The following TPH2 variants were observed in gnomAD, a reference collection of about 807,000 sequenced individuals.
TPH2 encodes tryptophan 5-hydroxylase 2.
TPH2 carries 27 observed loss-of-function variants against 59.1 expected under a neutral mutation model. The observed-to-expected ratio is 0.46, with a 90% CI of 0.34 to 0.63. The LOEUF (loss-of-function observed/expected upper bound fraction) is 0.63, where lower values mean the gene tolerates loss of function less well. Among genes scored for constraint, TPH2 ranks in the 30% least tolerant of loss-of-function variants. TPH2 has a pLI of 0.01. For missense variants in TPH2, 523 were observed against 588.3 expected (o/e 0.89, Z 1.15); for synonymous variants, 220 against 210.5 (o/e 1.05, Z -0.39).
intron 6 of TPH2, among the ~76,000 whole-genome samples, chr12:71,975,767 G>A (rs1872100945): frequency 6.6e-6 from 1 of 152,140 alleles, no homozygotes; most frequent in East Asian, 1.9e-4. Flanking sequence ...TGTTACTGAG[G>A]AAAAGAGATT....
chr12:72,028,858 C>T (rs541087298), intron 9 of TPH2, among the ~76,000 whole-genome samples: 6 of 152,150 alleles, frequency 3.9e-5, no homozygotes, highest in East Asian at 1.9e-4. Flanking sequence ...ATTGGTCAAG[C>T]GTGATCTATA....
chr12:71,971,283 G>A (rs1302965194), intron 5 of TPH2, among the ~76,000 whole-genome samples: 1 of 152,178 alleles, frequency 6.6e-6, no homozygotes, highest in Non-Finnish European at 1.5e-5. Context: ...ACGTGCATAT[G>A]TTTGGACTTC....
rs778078313 is a variant in TPH2 at position 71,941,588 on chromosome 12, A to G, written c.110A>G (p.Asn37Ser). The change falls in exon 2 of 11, where the codon AAT (asparagine) becomes AGT (serine). Residue 37 changes from asparagine (N) to serine (S), a missense_variant. By Grantham distance (46) the Asn-to-Ser change is conservative. Transcript: ENST00000333850. The part of the protein sequence containing the change: ...EHQLLGSSTL[N>S]KPNSGKNDDK... ...TATGCTTCGACATTCCTGAAGCTAA[A>G]TAAACCTAACTCTGGCAAAAATGAC... is the stretch of plus-strand genomic sequence containing the variant. 1.2e-6 allele frequency: 2 copies of G among 1,613,920 alleles called. No homozygotes were observed. The highest frequency in any genetic ancestry group is 1.7e-6 in the Non-Finnish European group (2 of 1,179,892).
At chr12:71,997,978 T>C (rs1218504400) in intron 8 of TPH2, among the ~76,000 whole-genome samples, 1 of 152,176 alleles carries the variant, frequency 6.6e-6, no homozygotes, top group Non-Finnish European at 1.5e-5. Flanking sequence ...AGAGATGGTC[T>C]TCTCTATATA....
In TPH2 at chr12:71,986,685, C is replaced by A. The variant is rs144967155; in HGVS notation, c.941+7598C>A. Among the ~76,000 whole-genome samples the A allele has an allele frequency of 7.1e-3, 1,063 of 149,632 alleles. 6 individuals are homozygous for A. The highest frequency in any genetic ancestry group is 0.012 in the Non-Finnish European group (782 of 67,640). ...AGCAGGATTCCTTATGTCACTCTCC[C>A]CTACCCCTGCACCCAGTTCTGTTTT... On this transcript the variant is annotated intron_variant, in intron 7 of 10. Coordinates refer to ENST00000333850, the MANE Select transcript of TPH2 (RefSeq NM_173353.4).
At chr12:71,956,383 C>T (rs1014556214) in intron 5 of TPH2, among the ~76,000 whole-genome samples, 1 of 151,998 alleles carries the variant, frequency 6.6e-6, no homozygotes. Flanking sequence ...GTACCACATT[C>T]ATTTAACTTG....
intron 7 of TPH2, among the ~76,000 whole-genome samples, chr12:71,982,853 G>T (rs1326128742): frequency 6.6e-6 from 1 of 152,176 alleles, no homozygotes; most frequent in East Asian, 1.9e-4. Context: ...TCTGAAAAAA[G>T]AATTTTATTT....
intron 7 of TPH2, among the ~76,000 whole-genome samples, chr12:71,983,913 G>A (rs1334047324): frequency 1.3e-5 from 2 of 152,288 alleles, no homozygotes; most frequent in South Asian, 4.2e-4. Flanking sequence ...AGCCCAGTCT[G>A]CAAGGTAGGA....
intron 7 of TPH2, among the ~76,000 whole-genome samples, chr12:71,991,596 G>T (rs1202609238): frequency 6.6e-6 from 1 of 152,090 alleles, no homozygotes; most frequent in Non-Finnish European, 1.5e-5. Context: ...CACAATGGAG[G>T]TTTTCAGATT....
intron 5 of TPH2, among the ~76,000 whole-genome samples, chr12:71,960,664 A>C (rs1476840344): frequency 6.6e-6 from 1 of 152,196 alleles, no homozygotes; most frequent in East Asian, 1.9e-4. Flanking sequence ...TGATTATAGC[A>C]TGGCTCCCAC....
At chr12:71,957,861 C>T (rs1000706127) in intron 5 of TPH2, among the ~76,000 whole-genome samples, 1 of 152,156 alleles carries the variant, frequency 6.6e-6, no homozygotes, top group Non-Finnish European at 1.5e-5. Flanking sequence ...AGGATAAGCT[C>T]GCAACAGGGC....
Position 71,944,480 on chromosome 12 carries a change from A to G in TPH2, c.439+3A>G. On this transcript the variant is annotated splice_donor_region_variant and intron_variant, in intron 3 of 10. Transcript: ENST00000333850. ...GAACATTTGGACAGAGGAAGAAGGC[A>G]AGGGTGGTCTTAGCTTGTCGGGTAA... 6.2e-7 allele frequency: 1 copy of G among 1,613,996 alleles called. No homozygotes were observed. The highest frequency in any genetic ancestry group is 1.1e-5 in the South Asian group (1 of 91,086).
chr12:72,002,685 T>C (rs1872856451), intron 8 of TPH2, among the ~76,000 whole-genome samples: 1 of 151,868 alleles, frequency 6.6e-6, no homozygotes, highest in African/African-American at 2.4e-5. Context: ...TTAGGAGATA[T>C]AAATCTAGAA....
chr12:71,944,003 A>T (rs1048002149), intron 2 of TPH2, among the ~76,000 whole-genome samples: 17 of 151,840 alleles, frequency 1.1e-4, no homozygotes, highest in Non-Finnish European at 1.9e-4. Flanking sequence ...GATGTGTACC[A>T]CTCTGTGGGA....
intron 8 of TPH2, among the ~76,000 whole-genome samples, chr12:72,005,180 G>C (rs553443574): frequency 6.6e-6 from 1 of 152,112 alleles, no homozygotes; most frequent in Middle Eastern, 3.2e-3. Context: ...AAGAAATGCT[G>C]TTAGGTTTGG....
At chr12:71,961,469 C>G in intron 5 of TPH2, 3 of 1,244,808 alleles carry the variant, frequency 2.4e-6, no homozygotes, top group Non-Finnish European at 2.1e-6. Flanking sequence ...TAGTAGTTAG[C>G]TGTGTTCTGT....
intron 8 of TPH2, among the ~76,000 whole-genome samples, chr12:72,019,118 T>C (rs11179053): frequency 0.53 from 79,528 of 151,456 alleles, 22,144 homozygotes; most frequent in Non-Finnish European, 0.64. Flanking sequence ...TTTTAGCTTT[T>C]CAACATGTAT....
intron 9 of TPH2, among the ~76,000 whole-genome samples, chr12:72,028,297 TG>T (rs1275907503): frequency 6.6e-6 from 1 of 152,128 alleles, no homozygotes; most frequent in African/African-American, 2.4e-5. Flanking sequence ...TCAAGTAGTT[TG>T]GTTCAATGTT....
intron 5 of TPH2, among the ~76,000 whole-genome samples, chr12:71,972,156 C>G (rs1661387959): frequency 6.6e-6 from 1 of 152,136 alleles, no homozygotes; most frequent in African/African-American, 2.4e-5. Flanking sequence ...ACATTTATTA[C>G]TGTTGTTAGG....
Sources: allele counts gnomAD v4.1 joint callset (sites outside exome capture counted in the v4.1 genomes callset), GRCh38; gene constraint gnomAD v4.1.1; transcripts MANE v1.5; gene names NCBI Gene and HGNC (gene_info 2026-07-23, HGNC 2026-07-21).